IQCH: variants seen among roughly 807,000 people sequenced by gnomAD.
The protein encoded by IQCH is IQ motif containing H.
In IQCH, 98 loss-of-function variants were observed where a neutral mutation model predicts 117.0. The ratio of observed to expected loss-of-function variants is 0.84; its 90% CI spans 0.71 to 0.99. The LOEUF (loss-of-function observed/expected upper bound fraction) is 0.99. Ranked by LOEUF, IQCH falls within the 50% of genes least tolerant of loss-of-function variation. IQCH has a pLI of 0.00. For missense variants in IQCH, 1,102 were observed against 1,243.8 expected (o/e 0.89, Z 1.72); for synonymous variants, 412 against 448.2 (o/e 0.92, Z 1.02).
Position 67,356,481 on chromosome 15 carries a change from C to T in IQCH, c.638-864C>T, listed in dbSNP as rs1327878404. Among the ~76,000 whole-genome samples the T allele has an allele frequency of 6.6e-6, 1 of 152,158 alleles. No homozygotes were observed. The highest frequency in any genetic ancestry group is 1.5e-5 in the Non-Finnish European group (1 of 68,026). On this transcript the variant is annotated intron_variant, in intron 6 of 20. Coordinates refer to ENST00000335894, the MANE Select transcript of IQCH (RefSeq NM_001031715.3). This position sits in a 1 kb window ranked among gnomAD's most constrained non-coding sequence, Gnocchi z 5.3. Reference sequence around the variant, plus strand: ...AGAACCAAGTCCTCAAAGTGAGATTCTAAATTATATATTGATATCCTTTAC... The same window carrying T: ...AGAACCAAGTCCTCAAAGTGAGATTTTAAATTATATATTGATATCCTTTAC...
intron 4 of IQCH, among the ~76,000 whole-genome samples, chr15:67,329,298 C>CAAA (rs112654218): frequency 1.4e-5 from 2 of 142,822 alleles, no homozygotes; most frequent in African/African-American, 2.6e-5. Flanking sequence ...GACCTTGTCT[C>CAAA]AAAAAAAAAA....
intron 4 of IQCH, chr15:67,306,762 G>C (rs1967318149): frequency 9.3e-7 from 1 of 1,073,916 alleles, no homozygotes; most frequent in Non-Finnish European, 1.4e-6. Context: ...AGACTCACTG[G>C]TGATTTTTTC....
chr15:67,421,515 G>A lies in IQCH; in HGVS notation c.2443G>A (p.Val815Met), dbSNP rs2081741818. ...TGGAAAAGCCTGCAGAATGAGAGAT[G>A]TGGTTGGTTACTTTTCGATAGATCT... ...QIGKACRMRD[V>M]VGYFSIDLVT... is the part of the protein sequence containing the mutation. Residue 815 changes from valine (V) to methionine (M), a missense_variant, in exon 16 of 21, where the codon GTG becomes ATG. By Grantham distance (21) the Val-to-Met change is conservative. Coordinates refer to ENST00000335894, the MANE Select transcript of IQCH (RefSeq NM_001031715.3). 1.9e-6 allele frequency: 3 copies of A among 1,614,212 alleles called. No individual in the cohort carries two copies. Among genetic ancestry groups the A allele is most frequent in the South Asian group, 2.2e-5 (2 of 91,090 alleles).
At chr15:67,255,688 G>A (rs748193194) in intron 1 of IQCH, among the ~76,000 whole-genome samples, 5 of 152,170 alleles carry the variant, frequency 3.3e-5, no homozygotes, top group Admixed American at 6.5e-5. Flanking sequence ...ATTTGTCTAA[G>A]GTCACTCTGT....
Position 67,406,421 on chromosome 15 carries a change from C to T in IQCH, c.2097+6116C>T, listed in dbSNP as rs892423872. ...CCTGTAGTTCCAGCTACTTAGGAGC[C>T]TGAAGAAAGAGGATCACTCGAGCCC... On this transcript the variant is annotated intron_variant, in intron 14 of 20. Coordinates refer to ENST00000335894, the MANE Select transcript of IQCH (RefSeq NM_001031715.3). The surrounding 1 kb of genome is among the most constrained non-coding windows in gnomAD (Gnocchi z 4.5). The T allele has an allele frequency of 3.9e-5, 6 of 151,976 alleles. No individual in the cohort carries two copies. 9.4% of individuals were successfully genotyped at this position (151,976 alleles called of 1,614,324 possible).
chr15:67,344,072 G>A lies in IQCH; in HGVS notation c.518G>A (p.Ser173Asn). 6.2e-7 allele frequency: 1 copy of A among 1,612,286 alleles called. No individual in the cohort carries two copies. The highest frequency in any genetic ancestry group is 8.5e-7 in the Non-Finnish European group (1 of 1,178,930). ...LQADAHKGILSMIERGLIPPT... is the reference protein window; with the variant it reads ...LQADAHKGILNMIERGLIPPT... ...TAATGTTTCTTTTTAGGGATTTTAA[G>A]TATGATAGAACGAGGGCTGATTCCA... The change falls in exon 6 of 21, where the codon AGT becomes AAT. Residue 173 changes from serine (S) to asparagine (N), a missense_variant. By Grantham distance (46) the Ser-to-Asn change is conservative. Coordinates refer to ENST00000335894, the MANE Select transcript of IQCH (RefSeq NM_001031715.3).
chr15:67,380,559 C>G (rs1435179802), intron 10 of IQCH, among the ~76,000 whole-genome samples: 1 of 152,174 alleles, frequency 6.6e-6, no homozygotes, highest in South Asian at 2.1e-4. Flanking sequence ...GTGTCTAGAT[C>G]ATAGTTCTCT....
intron 4 of IQCH, among the ~76,000 whole-genome samples, chr15:67,317,584 A>G (rs974610552): frequency 2.6e-5 from 4 of 152,134 alleles, no homozygotes; most frequent in African/African-American, 9.7e-5. Flanking sequence ...CCATCATAGC[A>G]TGCTTTTAAA....
intron 4 of IQCH, among the ~76,000 whole-genome samples, chr15:67,319,353 G>C (rs1452338432): frequency 6.6e-6 from 1 of 152,144 alleles, no homozygotes; most frequent in East Asian, 1.9e-4. Context: ...CTAATTCCTA[G>C]GTGATATTCT....
intron 5 of IQCH, among the ~76,000 whole-genome samples, chr15:67,341,192 A>G (rs1184983784): frequency 1.3e-5 from 2 of 152,220 alleles, no homozygotes; most frequent in African/African-American, 2.4e-5. Context: ...AGCCTGGGCT[A>G]CAGAGTGTCT....
chr15:67,492,474 A>T (rs1377311956), intron 19 of IQCH, among the ~76,000 whole-genome samples: 1 of 152,188 alleles, frequency 6.6e-6, no homozygotes, highest in Non-Finnish European at 1.5e-5. Context: ...CAGGATTCAG[A>T]TGCGTGGAGG....
chr15:67,344,863 A>G (rs913109665), intron 6 of IQCH, among the ~76,000 whole-genome samples: 2 of 152,250 alleles, frequency 1.3e-5, no homozygotes, highest in Non-Finnish European at 1.5e-5. Flanking sequence ...TTGGATAAAT[A>G]AGCAAGACCC....
Position 67,447,664 on chromosome 15 carries a change from G to A in IQCH, c.2506-17463G>A, listed in dbSNP as rs973211772. 1.3e-5 allele frequency among the ~76,000 whole-genome samples: 2 copies of A among 152,160 alleles called. No homozygotes were observed. Among genetic ancestry groups the A allele is most frequent in the Admixed American group, 1.3e-4 (2 of 15,276 alleles). On this transcript the variant is annotated intron_variant, in intron 16 of 20. Transcript: ENST00000335894. This position sits in a 1 kb window ranked among gnomAD's most constrained non-coding sequence, Gnocchi z 5.3. ...CCCTGGGGTGAGCAACTGGAGGACA[G>A]GAGAAGGTGGAAACATCTGGGACAA...
rs1280775035 is a variant in IQCH, at chr15:67,411,037, G to T, written c.2098-5894G>T. Among the ~76,000 whole-genome samples, 1 of 151,954 alleles carries T rather than the reference G, an allele frequency of 6.6e-6. No homozygotes were observed. On this transcript the variant is annotated intron_variant, in intron 14 of 20. Coordinates refer to ENST00000335894, the MANE Select transcript of IQCH (RefSeq NM_001031715.3). The surrounding 1 kb of genome is among the most constrained non-coding windows in gnomAD (Gnocchi z 4.4). The stretch of plus-strand genomic sequence containing the variant: ...TGTAAACCACCCCCACCCCACCCCT[G>T]CACATGCCTACCATATGGTGAGCTT...
At chr15:67,368,471 A>G (rs895954849) in intron 8 of IQCH, among the ~76,000 whole-genome samples, 3 of 152,226 alleles carry the variant, frequency 2.0e-5, no homozygotes, top group African/African-American at 7.2e-5. Flanking sequence ...GAGAAAGAAT[A>G]AGGACTCCAT....
rs1971282921 is a variant in IQCH, at chr15:67,391,483, A to G, written c.1632+2477A>G. 6.6e-6 allele frequency among the ~76,000 whole-genome samples: 1 copy of G among 152,144 alleles called. No homozygotes were observed. Among genetic ancestry groups the G allele is most frequent in the African/African-American group, 2.4e-5 (1 of 41,442 alleles). On this transcript the variant is annotated intron_variant, in intron 12 of 20. Transcript: ENST00000335894. This position sits in a 1 kb window ranked among gnomAD's most constrained non-coding sequence, Gnocchi z 4.3. ...CTCCAAGTTACTATATGATTCTTGA[A>G]TTTGTAATGGTAAAATGTGCTCTTT... is the stretch of plus-strand genomic sequence containing the variant.
At position 67,474,850 on chromosome 15, in the gene IQCH, G is replaced by C. The variant is rs2083165639; in HGVS notation, c.2677-846G>C. Among the ~76,000 whole-genome samples the C allele has an allele frequency of 1.3e-5, 2 of 152,216 alleles. No individual in the cohort carries two copies. Among genetic ancestry groups the C allele is most frequent in the South Asian group, 4.1e-4 (2 of 4,830 alleles). On this transcript the variant is annotated intron_variant, in intron 17 of 20. Transcript: ENST00000335894. The surrounding 1 kb of genome is among the most constrained non-coding windows in gnomAD (Gnocchi z 4.1). Reference sequence around the variant, plus strand: ...AACATCATCAGTGATAAGTCACACTGATACCATCTATCTACCCTTGATATG... The same window carrying C: ...AACATCATCAGTGATAAGTCACACTCATACCATCTATCTACCCTTGATATG...
At chr15:67,414,045 C>T (rs1282610426) in intron 14 of IQCH, among the ~76,000 whole-genome samples, 1 of 152,192 alleles carries the variant, frequency 6.6e-6, no homozygotes, top group Non-Finnish European at 1.5e-5. Context: ...TAAATGTGAC[C>T]TCGTTTATCT....
chr15:67,357,297 T>G (rs766593408), intron 6 of IQCH, 48 bp from the exon 7 acceptor site: 1 of 1,298,834 alleles, frequency 7.7e-7, no homozygotes, highest in South Asian at 1.2e-5. Context: ...AACCAGTGAC[T>G]CAGCCTCTTC....
Sources: allele counts gnomAD v4.1 joint callset (sites outside exome capture counted in the v4.1 genomes callset), GRCh38; gene constraint gnomAD v4.1.1; non-coding constraint Gnocchi (gnomAD v3.1); transcripts MANE v1.5; gene names NCBI Gene and HGNC (gene_info 2026-07-23, HGNC 2026-07-21).